ZMAT4: variants seen among roughly 807,000 people sequenced by gnomAD.
ZMAT4 encodes the protein zinc finger matrin-type protein 4.
Under a neutral mutation model 28.7 loss-of-function variants are expected in ZMAT4, and 17 were observed. That is an observed-to-expected ratio of 0.59 (90% confidence interval 0.41 to 0.89). ZMAT4 has a LOEUF of 0.89. Among genes scored for constraint, ZMAT4 ranks in the 40% least tolerant of loss-of-function variants. The pLI, the probability that ZMAT4 is intolerant of heterozygous loss-of-function variation, is 0.00. For missense variants in ZMAT4, 240 were observed against 283.8 expected, an observed-to-expected ratio of 0.85 and a Z score of 1.11; for synonymous variants, 117 against 109.2, an observed-to-expected ratio of 1.07 and a Z score of -0.44.
intron 1 of ZMAT4, among the ~76,000 whole-genome samples, chr8:40,853,283 G>A (rs529946150): frequency 1.4e-4 from 22 of 152,292 alleles, no homozygotes; most frequent in African/African-American, 4.3e-4. Context: ...TGGGCTGGGC[G>A]CAGTGGCTCA....
intron 5 of ZMAT4, among the ~76,000 whole-genome samples, chr8:40,592,828 A>C (rs944430208): frequency 6.6e-6 from 1 of 152,224 alleles, no homozygotes; most frequent in Admixed American, 6.5e-5. Context: ...CATTTGAGCA[A>C]ATCATCTTCA....
At chr8:40,787,391 T>G (rs1488416600) in intron 2 of ZMAT4, among the ~76,000 whole-genome samples, 1 of 152,204 alleles carries the variant, frequency 6.6e-6, no homozygotes, top group Non-Finnish European at 1.5e-5. Flanking sequence ...ACTAAGCACT[T>G]ATCACACACT....
chr8:40,893,771 G>A (rs1173758914), intron 1 of ZMAT4, among the ~76,000 whole-genome samples: 1 of 152,158 alleles, frequency 6.6e-6, no homozygotes, highest in Non-Finnish European at 1.5e-5. Flanking sequence ...TCATCACCCA[G>A]GTAGTAAGCA....
At chr8:40,770,227 G>A (rs1387472583) in intron 2 of ZMAT4, among the ~76,000 whole-genome samples, 1 of 152,122 alleles carries the variant, frequency 6.6e-6, no homozygotes, top group African/African-American at 2.4e-5. Context: ...TCCCCAAGGT[G>A]CCTGGACCAG....
intron 5 of ZMAT4, among the ~76,000 whole-genome samples, chr8:40,640,994 A>T (rs944517043): frequency 6.6e-6 from 1 of 151,772 alleles, no homozygotes; most frequent in Non-Finnish European, 1.5e-5. Flanking sequence ...AAAAAAAAAG[A>T]TAGACTATAC....
chr8:40,864,373 G>A (rs1817604718), intron 1 of ZMAT4, among the ~76,000 whole-genome samples: 1 of 152,200 alleles, frequency 6.6e-6, no homozygotes, highest in South Asian at 2.1e-4. Context: ...TTTAAAAGCA[G>A]TTGGAGAGAA....
rs187434685 is a variant in ZMAT4 at position 40,664,785 on chromosome 8, T to C, written c.577+9919A>G. ...AGCAATAGTTGCATTGGTTACCTTA[T>C]AAATCTTTTTTAAAATAATTATTGC... On this transcript the variant is annotated intron_variant, in intron 5 of 6. Coordinates refer to ENST00000297737, the MANE Select transcript of ZMAT4 (RefSeq NM_024645.3). 3.3e-5 allele frequency among the ~76,000 whole-genome samples: 5 copies of C among 152,228 alleles called. No individual in the cohort carries two copies. In the East Asian group the frequency reaches 7.7e-4, roughly 23 times the overall value.
chr8:40,822,075 G>T (rs564773420), intron 2 of ZMAT4, among the ~76,000 whole-genome samples: 14 of 152,220 alleles, frequency 9.2e-5, no homozygotes, highest in African/African-American at 3.1e-4. Context: ...ACAACAGGAC[G>T]CCAAGTGGGC....
At chr8:40,598,063 T>TG (rs61448702) in intron 5 of ZMAT4, among the ~76,000 whole-genome samples, 31,325 of 152,042 alleles carry the variant, frequency 0.21, 3,344 homozygotes, top group Middle Eastern at 0.26. Context: ...CCCTGAATTT[T>TG]TTTTATAGGA....
chr8:40,566,326 T>A (rs141354471), intron 6 of ZMAT4, among the ~76,000 whole-genome samples: 1 of 152,304 alleles, frequency 6.6e-6, no homozygotes, highest in East Asian at 1.9e-4. Flanking sequence ...AAGCTGCCTC[T>A]CCAATGTGCA....
intron 3 of ZMAT4, among the ~76,000 whole-genome samples, chr8:40,763,151 G>A (rs572172326): frequency 6.6e-6 from 1 of 152,266 alleles, no homozygotes; most frequent in East Asian, 1.9e-4. Context: ...TTATCATGCT[G>A]CATTGAGATA....
chr8:40,582,383 C>G (rs151194814), intron 5 of ZMAT4, among the ~76,000 whole-genome samples: 69 of 152,258 alleles, frequency 4.5e-4, no homozygotes, highest in African/African-American at 1.3e-3. Context: ...ACCTGTAGTC[C>G]TAGCTACTCA....
intron 1 of ZMAT4, among the ~76,000 whole-genome samples, chr8:40,874,748 T>C (rs1817981891): frequency 6.6e-6 from 1 of 152,250 alleles, no homozygotes; most frequent in African/African-American, 2.4e-5. Context: ...TTTATTTTAG[T>C]AGTTTTATCT....
chr8:40,574,937 C>A (rs1804213120), intron 6 of ZMAT4, among the ~76,000 whole-genome samples: 1 of 152,164 alleles, frequency 6.6e-6, no homozygotes, highest in African/African-American at 2.4e-5. Flanking sequence ...GATCATAACC[C>A]CATGATCTAA....
chr8:40,745,712 A>C (rs1043264117), intron 3 of ZMAT4, among the ~76,000 whole-genome samples: 5 of 152,108 alleles, frequency 3.3e-5, no homozygotes, highest in Non-Finnish European at 7.3e-5. Context: ...ATATTCCCCC[A>C]TTTCCAGCCA....
rs574727688 is a variant in ZMAT4 at position 40,641,261 on chromosome 8, C to T, written c.577+33443G>A. Among the ~76,000 whole-genome samples the T allele has an allele frequency of 5.9e-4, 90 of 152,248 alleles. No homozygotes were observed. In the South Asian group the frequency reaches 0.018, roughly 30 times the overall value. On this transcript the variant is annotated intron_variant, in intron 5 of 6. Coordinates refer to ENST00000297737, the MANE Select transcript of ZMAT4 (RefSeq NM_024645.3). ...GCACATTGCTAAATGAGCAAAATTA[C>T]CGCTAAAAGCCTTTTAAAAGAAAAG...
chr8:40,800,176 A>G (rs1186174677), intron 2 of ZMAT4, among the ~76,000 whole-genome samples: 2 of 152,244 alleles, frequency 1.3e-5, no homozygotes, highest in African/African-American at 4.8e-5. Flanking sequence ...ATAAAGGGCT[A>G]ATTCTCCAAG....
At chr8:40,715,417 A>G (rs1199741835) in intron 3 of ZMAT4, among the ~76,000 whole-genome samples, 1 of 152,210 alleles carries the variant, frequency 6.6e-6, no homozygotes, top group Non-Finnish European at 1.5e-5. Context: ...AGATTTGCAC[A>G]TGTGTGAAAG....
At chr8:40,563,340 A>G (rs1381500406) in intron 6 of ZMAT4, among the ~76,000 whole-genome samples, 1 of 152,130 alleles carries the variant, frequency 6.6e-6, no homozygotes, top group Non-Finnish European at 1.5e-5. Context: ...TCGTCTATTA[A>G]TTTGGTCTCC....
Sources: allele counts gnomAD v4.1 joint callset (sites outside exome capture counted in the v4.1 genomes callset), GRCh38; gene constraint gnomAD v4.1.1; transcripts MANE v1.5; gene names NCBI Gene and HGNC (gene_info 2026-07-23, HGNC 2026-07-21).